ATF6: variants seen among roughly 807,000 people sequenced by gnomAD.
The protein encoded by ATF6 is cyclic AMP-dependent transcription factor ATF-6 alpha.
A neutral mutation model predicts 83.6 loss-of-function variants in ATF6; 53 were observed. The ratio of observed to expected loss-of-function variants is 0.63; its 90% CI spans 0.51 to 0.80. ATF6 has a LOEUF of 0.80. ATF6 is among the 30% of genes least tolerant of loss of function. The probability of loss-of-function intolerance (pLI) is 0.00; values close to 1 mark genes in which losing one functional copy is unlikely to be tolerated. For synonymous variants in ATF6, 288 were observed against 285.8 expected, an observed-to-expected ratio of 1.01 and a Z score of -0.08; for missense variants, 744 against 797.9, an observed-to-expected ratio of 0.93 and a Z score of 0.81.
intron 15 of ATF6, among the ~76,000 whole-genome samples, chr1:161,929,439 A>G (rs369903383): frequency 6.6e-5 from 10 of 152,268 alleles, no homozygotes; most frequent in Admixed American, 2.0e-4. Flanking sequence ...TCTTTCCAGA[A>G]GAGTCTCCTT....
intron 14 of ATF6, among the ~76,000 whole-genome samples, chr1:161,896,251 G>A (rs1687675304): frequency 6.6e-6 from 1 of 152,086 alleles, no homozygotes; most frequent in Non-Finnish European, 1.5e-5. Flanking sequence ...GGGACTACAG[G>A]TGTGTGCCAC....
intron 7 of ATF6, among the ~76,000 whole-genome samples, chr1:161,815,942 AAAATT>A (rs1275717645): frequency 4.6e-5 from 7 of 152,202 alleles, no homozygotes; most frequent in South Asian, 2.1e-4. Flanking sequence ...TCTTTCTCAA[AAAATT>A]AAATTAAATT....
chr1:161,892,422 C>T (rs1342241630), intron 14 of ATF6, among the ~76,000 whole-genome samples: 1 of 152,172 alleles, frequency 6.6e-6, no homozygotes, highest in African/African-American at 2.4e-5. Flanking sequence ...AATCTTCTAT[C>T]ATCTCAGGAT....
intron 9 of ATF6, among the ~76,000 whole-genome samples, chr1:161,833,017 A>G (rs2101802555): frequency 6.6e-6 from 1 of 152,308 alleles, no homozygotes; most frequent in Admixed American, 6.5e-5. Flanking sequence ...GTAGGGGCGG[A>G]CTGACACCTC....
chr1:161,791,864 C>T (rs1404745399), intron 5 of ATF6, among the ~76,000 whole-genome samples: 1 of 152,128 alleles, frequency 6.6e-6, no homozygotes, highest in Admixed American at 6.5e-5. Flanking sequence ...GGTGTTATCC[C>T]GTGATTTTAG....
intron 11 of ATF6, among the ~76,000 whole-genome samples, chr1:161,852,676 G>A (rs1340216598): frequency 6.6e-6 from 1 of 152,082 alleles, no homozygotes; most frequent in Non-Finnish European, 1.5e-5. Context: ...GCAGTGGCTG[G>A]ATCATAGCTC....
chr1:161,916,599 A>T lies in ATF6; in HGVS notation c.1804+4219A>T, dbSNP rs1485201268. 3.3e-5 allele frequency among the ~76,000 whole-genome samples: 5 copies of T among 152,290 alleles called. No homozygotes were observed. The South Asian group carries it at 1.0e-3, about 32-fold the overall frequency. On this transcript the variant is annotated intron_variant, in intron 15 of 15. Coordinates refer to ENST00000367942, the MANE Select transcript of ATF6 (RefSeq NM_007348.4). Reference sequence around the variant, plus strand: ...TCAAATCTCTCCATTTTCCCCCAAAATATTCTTTATAACTTTTTGAATATA... The same window carrying T: ...TCAAATCTCTCCATTTTCCCCCAAATTATTCTTTATAACTTTTTGAATATA...
intron 12 of ATF6, among the ~76,000 whole-genome samples, chr1:161,857,921 G>A (rs1332554461): frequency 6.6e-6 from 1 of 152,084 alleles, no homozygotes; most frequent in Admixed American, 6.6e-5. Context: ...AATCTCTAGA[G>A]CAACTACTAA....
chr1:161,916,794 T>C (rs1225369155), intron 15 of ATF6, among the ~76,000 whole-genome samples: 1 of 152,224 alleles, frequency 6.6e-6, no homozygotes, highest in Non-Finnish European at 1.5e-5. Flanking sequence ...TTGTATACAA[T>C]GTAATGAATT....
intron 14 of ATF6, among the ~76,000 whole-genome samples, chr1:161,875,761 T>A (rs1687205230): frequency 6.6e-6 from 1 of 151,878 alleles, no homozygotes; most frequent in African/African-American, 2.4e-5. Flanking sequence ...CACAACTCAG[T>A]TACACAAGTG....
intron 15 of ATF6, among the ~76,000 whole-genome samples, chr1:161,952,736 C>A (rs956018621): frequency 1.3e-5 from 2 of 152,174 alleles, no homozygotes; most frequent in Non-Finnish European, 2.9e-5. Context: ...GACGCTTGCA[C>A]TGATCTGTAC....
At chr1:161,934,683 A>G (rs895191537) in intron 15 of ATF6, among the ~76,000 whole-genome samples, 2 of 152,188 alleles carry the variant, frequency 1.3e-5, no homozygotes, top group African/African-American at 2.4e-5. Context: ...TGTATTTTAC[A>G]TATGCTTATG....
chr1:161,805,442 A>G (rs1233444215), intron 7 of ATF6, among the ~76,000 whole-genome samples: 1 of 152,130 alleles, frequency 6.6e-6, no homozygotes, highest in Admixed American at 6.6e-5. Flanking sequence ...GCTTATTTTT[A>G]CTTGGCCAGC....
rs144131817 is a variant in ATF6, at chr1:161,958,601, G to A, written c.1960G>A (p.Ala654Thr). The change falls in exon 16 of 16, where the codon GCA (alanine) becomes ACA (threonine). Residue 654 changes from alanine (A) to threonine (T), a missense_variant. Ala to Thr is a moderately conservative substitution (Grantham distance 58, BLOSUM62 0). Transcript: ENST00000367942. ...QTNTFFGSPP[A>T]ATEATHVVST... ...CAACACCTTCTTTGGCTCCCCTCCC[G>A]CAGCCACAGAGGCAACCCACGTTGT... 1.3e-4 allele frequency: 207 copies of A among 1,613,328 alleles called. 1 individual carries two copies. Among genetic ancestry groups the A allele is most frequent in the Middle Eastern group, 3.3e-4 (2 of 6,058 alleles).
At chr1:161,865,579 G>C (rs1686979731) in intron 14 of ATF6, among the ~76,000 whole-genome samples, 1 of 152,184 alleles carries the variant, frequency 6.6e-6, no homozygotes, top group Non-Finnish European at 1.5e-5. Flanking sequence ...TGCTATAAAA[G>C]TGCTGTTAGA....
intron 15 of ATF6, among the ~76,000 whole-genome samples, chr1:161,917,223 T>C (rs1688118254): frequency 6.6e-6 from 1 of 152,142 alleles, no homozygotes; most frequent in Admixed American, 6.5e-5. Context: ...TGTGAATCCA[T>C]TGGTCAAAAA....
chr1:161,911,226 G>C (rs1687986282), intron 14 of ATF6, among the ~76,000 whole-genome samples: 1 of 152,076 alleles, frequency 6.6e-6, no homozygotes, highest in African/African-American at 2.4e-5. Context: ...ATCAAACTTA[G>C]GTTTAGTTTT....
At chr1:161,827,339 T>G (rs917772352) in intron 9 of ATF6, among the ~76,000 whole-genome samples, 1 of 152,114 alleles carries the variant, frequency 6.6e-6, no homozygotes. Context: ...TGGAAGATAT[T>G]TATTGAACAA....
chr1:161,931,904 T>C (rs1688441598), intron 15 of ATF6, among the ~76,000 whole-genome samples: 1 of 152,160 alleles, frequency 6.6e-6, no homozygotes, highest in South Asian at 2.1e-4. Flanking sequence ...TTCTGAACAT[T>C]TTGCTAAATT....
Sources: gnomAD v4.1 joint callset for allele counts (sites outside exome capture counted in the v4.1 genomes callset) on GRCh38, gnomAD v4.1.1 for gene constraint, MANE v1.5 for transcripts, NCBI Gene and HGNC (gene_info 2026-07-23, HGNC 2026-07-21) for gene names.